SH2D4B: variants seen among roughly 807,000 people sequenced by gnomAD.
SH2D4B encodes SH2 domain containing 4B.
A neutral mutation model predicts 61.5 loss-of-function variants in SH2D4B; 45 were observed. That is an observed-to-expected ratio of 0.73 (90% confidence interval 0.58 to 0.94). The LOEUF (loss-of-function observed/expected upper bound fraction) is 0.94, where lower values mean the gene tolerates loss of function less well. SH2D4B is among the 40% of genes least tolerant of loss of function. The pLI is 0.00. For missense variants in SH2D4B, 572 were observed against 574.2 expected (o/e 1.00, Z 0.04); for synonymous variants, 224 against 220.4 (o/e 1.02, Z -0.14).
At chr10:80,544,209 C>G (rs1841633577) in intron 1 of SH2D4B, among the ~76,000 whole-genome samples, 1 of 152,080 alleles carries the variant, frequency 6.6e-6, no homozygotes, top group South Asian at 2.1e-4. Context: ...ACCGCGAGCC[C>G]ACGGGGAAGA....
At chr10:80,544,667 C>A (rs1030965836) in intron 1 of SH2D4B, among the ~76,000 whole-genome samples, 18 of 152,250 alleles carry the variant, frequency 1.2e-4, no homozygotes, top group Admixed American at 1.0e-3. Flanking sequence ...TGGAGCCCTG[C>A]ACCTGCCTGC....
chr10:80,562,028 TACACACACACACAC>T (rs150356380), intron 1 of SH2D4B, among the ~76,000 whole-genome samples: 2 of 144,410 alleles, frequency 1.4e-5, no homozygotes, highest in Non-Finnish European at 3.1e-5. Context: ...CTCTTCCAAT[TACACACACACACAC>T]ACACACACAC....
chr10:80,594,377 A>G (rs773542930), intron 4 of SH2D4B, among the ~76,000 whole-genome samples: 1 of 152,200 alleles, frequency 6.6e-6, no homozygotes, highest in Non-Finnish European at 1.5e-5. Context: ...ATGTTGCTAA[A>G]TTCCATTTGC....
chr10:80,588,652 A>T lies in SH2D4B; in HGVS notation c.518A>T (p.Lys173Met), dbSNP rs1397657777. 16 of 1,614,002 alleles carry T rather than the reference A, an allele frequency of 9.9e-6. No homozygotes were observed. Among genetic ancestry groups the T allele is most frequent in the Non-Finnish European group, 1.4e-5 (16 of 1,180,028 alleles). Reference protein sequence around the residue: ...EFKRKEEEERKRGEEQIRLQE... With the variant: ...EFKRKEEEERMRGEEQIRLQE... ...TAGAGGAAAGAGGAAGAGGAGAGGA[A>T]GCGAGGAGAAGAGCAGATTCGCCTC... Residue 173 changes from lysine (K) to methionine (M), a missense_variant, in exon 4 of 8, where the codon AAG becomes ATG. Lys to Met is a moderately conservative substitution (Grantham distance 95). Transcript: ENST00000646907.
At chr10:80,592,407 G>A (rs895228193) in intron 4 of SH2D4B, among the ~76,000 whole-genome samples, 6 of 151,860 alleles carry the variant, frequency 4.0e-5, no homozygotes, top group Non-Finnish European at 7.4e-5. Flanking sequence ...CCATTTTTTT[G>A]GTTGTTTATG....
intron 4 of SH2D4B, among the ~76,000 whole-genome samples, chr10:80,602,671 A>G (rs1842464032): frequency 6.6e-6 from 1 of 152,176 alleles, no homozygotes. Context: ...CCAACAACTC[A>G]TCTTGTGGTA....
At chr10:80,559,775 C>A (rs1841880107) in intron 1 of SH2D4B, among the ~76,000 whole-genome samples, 1 of 151,134 alleles carries the variant, frequency 6.6e-6, no homozygotes, top group Non-Finnish European at 1.5e-5. Context: ...GTAGCTGGAA[C>A]TACACGCATG....
chr10:80,566,893 C>T (rs1273765924), intron 1 of SH2D4B, among the ~76,000 whole-genome samples: 1 of 152,092 alleles, frequency 6.6e-6, no homozygotes, highest in Non-Finnish European at 1.5e-5. Context: ...ATAATTAAAT[C>T]GGTGTTTCTT....
intron 4 of SH2D4B, among the ~76,000 whole-genome samples, chr10:80,589,980 G>T (rs183322598): frequency 1.4e-3 from 214 of 152,262 alleles, no homozygotes; most frequent in African/African-American, 4.9e-3. Flanking sequence ...TTTTATTTGG[G>T]TATGGTAAGA....
At chr10:80,572,018 C>T (rs920326268) in intron 3 of SH2D4B, among the ~76,000 whole-genome samples, 15 of 152,054 alleles carry the variant, frequency 9.9e-5, no homozygotes, top group Admixed American at 5.9e-4. Flanking sequence ...GTGATCCGCC[C>T]GCCTCGGCCT....
intron 1 of SH2D4B, among the ~76,000 whole-genome samples, chr10:80,551,568 A>G (rs1214315610): frequency 2.6e-5 from 4 of 152,224 alleles, no homozygotes; most frequent in Admixed American, 2.0e-4. Context: ...CAGGAGGGAA[A>G]TTTCAAATCA....
At chr10:80,581,560 G>A (rs974652554) in intron 3 of SH2D4B, among the ~76,000 whole-genome samples, 3 of 152,220 alleles carry the variant, frequency 2.0e-5, no homozygotes, top group East Asian at 3.9e-4. Flanking sequence ...GGACACAGAC[G>A]GGCACACACT....
At chr10:80,542,126 C>T (rs574563071) in intron 1 of SH2D4B, among the ~76,000 whole-genome samples, 1 of 152,286 alleles carries the variant, frequency 6.6e-6, no homozygotes, top group South Asian at 2.1e-4. Context: ...CATGTTATCA[C>T]ATTATGTCCC....
intron 6 of SH2D4B, among the ~76,000 whole-genome samples, chr10:80,615,860 C>A (rs954468413): frequency 1.2e-4 from 18 of 152,034 alleles, no homozygotes; most frequent in African/African-American, 4.4e-4. Flanking sequence ...ATAATAACAC[C>A]CACTACGTAG....
intron 3 of SH2D4B, among the ~76,000 whole-genome samples, chr10:80,583,988 T>C (rs914338771): frequency 2.0e-5 from 3 of 152,348 alleles, no homozygotes; most frequent in African/African-American, 7.2e-5. Flanking sequence ...AAATGCCTTG[T>C]GCAGAAGAAT....
intron 1 of SH2D4B, among the ~76,000 whole-genome samples, chr10:80,569,389 C>T (rs1411943597): frequency 6.6e-6 from 1 of 152,076 alleles, no homozygotes; most frequent in Admixed American, 6.5e-5. Context: ...GCTCACAACA[C>T]AACAGCCAAT....
chr10:80,634,198 G>T (rs56968814), intron 6 of SH2D4B, 87 bp from the exon 7 acceptor site: 7 of 1,450,414 alleles, frequency 4.8e-6, no homozygotes, highest in Non-Finnish European at 6.4e-6. Context: ...TGAGCCACAG[G>T]GTGAGGGGCA....
At chr10:80,571,892 C>A (rs1842051394) in intron 3 of SH2D4B, among the ~76,000 whole-genome samples, 1 of 151,752 alleles carries the variant, frequency 6.6e-6, no homozygotes, top group Non-Finnish European at 1.5e-5. Flanking sequence ...CCTACCTCAG[C>A]CTCCCGAGTA....
rs188450198 is a variant in SH2D4B, at chr10:80,618,535, T to C, written c.988+8984T>C. On this transcript the variant is annotated intron_variant, in intron 6 of 7. Coordinates refer to ENST00000646907, the MANE Select transcript of SH2D4B (RefSeq NM_001388272.1). ...TCATTCATCACAATCTCTGTGGCTT[T>C]AGGATGCTTTGAGATACTGTTGAGA... Among the ~76,000 whole-genome samples the C allele has an allele frequency of 9.6e-4, 146 of 152,332 alleles. 1 individual carries two copies. The highest frequency in any genetic ancestry group is 8.1e-3 in the South Asian group (39 of 4,832).
Sources: allele counts gnomAD v4.1 joint callset (sites outside exome capture counted in the v4.1 genomes callset), GRCh38; gene constraint gnomAD v4.1.1; transcripts MANE v1.5; gene names NCBI Gene and HGNC (gene_info 2026-07-23, HGNC 2026-07-21).